The following CTNNBL1 variants were observed in gnomAD, a reference collection of about 807,000 sequenced individuals.
The protein encoded by CTNNBL1 is beta-catenin-like protein 1.
Under a neutral mutation model 72.7 loss-of-function variants are expected in CTNNBL1, and 31 were observed. The ratio of observed to expected loss-of-function variants is 0.43; its 90% confidence interval spans 0.32 to 0.58. The LOEUF (loss-of-function observed/expected upper bound fraction) is 0.58. Ranked by LOEUF, CTNNBL1 falls within the 20% of genes least tolerant of loss-of-function variation. CTNNBL1 has a pLI of 0.08. For synonymous variants in CTNNBL1, 240 were observed against 267.3 expected (o/e 0.90, Z 1.00); for missense variants, 534 against 725.1 (o/e 0.74, Z 3.03).
chr20:37,800,316 G>C (rs2073813155), intron 10 of CTNNBL1, among the ~76,000 whole-genome samples: 1 of 152,076 alleles, frequency 6.6e-6, no homozygotes, highest in African/African-American at 2.4e-5. Flanking sequence ...TCTTGACCCG[G>C]CTTCCCTCTC....
intron 1 of CTNNBL1, among the ~76,000 whole-genome samples, chr20:37,700,476 GTA>G (rs2072830953): frequency 6.6e-6 from 1 of 152,196 alleles, no homozygotes; most frequent in Non-Finnish European, 1.5e-5. Flanking sequence ...AAGCGCCTCA[GTA>G]TATGCCGTAT....
chr20:37,864,674 C>T (rs4811240), intron 15 of CTNNBL1, among the ~76,000 whole-genome samples: 114,145 of 152,130 alleles, frequency 0.75, 42,975 homozygotes, highest in East Asian at 0.85. Flanking sequence ...AGGACTGAGA[C>T]GGCCACAAAG....
chr20:37,791,733 C>T (rs918054064), intron 10 of CTNNBL1, among the ~76,000 whole-genome samples: 1 of 152,164 alleles, frequency 6.6e-6, no homozygotes, highest in Non-Finnish European at 1.5e-5. Flanking sequence ...GTGCAGATCC[C>T]ATTGTGAACT....
At chr20:37,793,467 CGCAT>C (rs2073744114) in intron 10 of CTNNBL1, among the ~76,000 whole-genome samples, 1 of 152,182 alleles carries the variant, frequency 6.6e-6, no homozygotes, top group South Asian at 2.1e-4. Flanking sequence ...TTAGTGCTAA[CGCAT>C]GGTATCTTTT....
chr20:37,773,306 A>G (rs553181712), intron 7 of CTNNBL1, among the ~76,000 whole-genome samples: 3 of 152,350 alleles, frequency 2.0e-5, no homozygotes, highest in East Asian at 3.9e-4. Flanking sequence ...GAGGTGAGCT[A>G]CAGATATAAC....
chr20:37,865,000 C>A (rs954069185), intron 15 of CTNNBL1, among the ~76,000 whole-genome samples: 2 of 152,072 alleles, frequency 1.3e-5, no homozygotes, highest in Non-Finnish European at 2.9e-5. Context: ...AGTGGGGGTA[C>A]CTGGGTCTCT....
intron 10 of CTNNBL1, among the ~76,000 whole-genome samples, chr20:37,786,072 T>A (rs1213418206): frequency 6.6e-6 from 1 of 152,206 alleles, no homozygotes; most frequent in Non-Finnish European, 1.5e-5. Flanking sequence ...AGGCAGAAAC[T>A]CTTGTTCTCT....
chr20:37,802,574 G>A (rs1377347224), intron 10 of CTNNBL1, among the ~76,000 whole-genome samples: 6 of 152,096 alleles, frequency 3.9e-5, no homozygotes, highest in East Asian at 3.9e-4. Flanking sequence ...TCAACACCCC[G>A]AAATAATCTC....
At chr20:37,793,737 T>TA (rs1373400115) in intron 10 of CTNNBL1, among the ~76,000 whole-genome samples, 1 of 152,242 alleles carries the variant, frequency 6.6e-6, no homozygotes, top group African/African-American at 2.4e-5. Flanking sequence ...TTAGCCCTGT[T>TA]ATACATTGTT....
chr20:37,734,466 T>G (rs1403295349), intron 2 of CTNNBL1, among the ~76,000 whole-genome samples: 1 of 152,168 alleles, frequency 6.6e-6, no homozygotes, highest in East Asian at 1.9e-4. Flanking sequence ...CAGGTATAAT[T>G]CCCATGTAGG....
chr20:37,754,626 A>T (rs758855185), intron 4 of CTNNBL1, among the ~76,000 whole-genome samples: 28 of 152,244 alleles, frequency 1.8e-4, no homozygotes, highest in Non-Finnish European at 3.7e-4. Flanking sequence ...GGTGGAATTA[A>T]ATGATAGTTC....
At chr20:37,847,555 T>C (rs2072356743) in intron 13 of CTNNBL1, among the ~76,000 whole-genome samples, 1 of 152,160 alleles carries the variant, frequency 6.6e-6, no homozygotes. Context: ...AATACTAAGA[T>C]GCCTGTTGTT....
intron 7 of CTNNBL1, among the ~76,000 whole-genome samples, chr20:37,771,820 A>G (rs2073526970): frequency 6.6e-6 from 1 of 152,168 alleles, no homozygotes; most frequent in African/African-American, 2.4e-5. Context: ...ATTGAGACCT[A>G]TCGATATTAA....
intron 7 of CTNNBL1, 196 bp from the exon 8 acceptor site, chr20:37,777,149 G>A (rs2073581185): frequency 1.9e-6 from 1 of 534,228 alleles, no homozygotes; most frequent in African/African-American, 1.9e-5. Context: ...GAGTGTGAGA[G>A]CCATTGTTTC....
At position 37,847,344 on chromosome 20, in the gene CTNNBL1, A is replaced by G. The variant is rs1301369030; in HGVS notation, c.1392+4925A>G. Among the ~76,000 whole-genome samples, 5 of 152,182 alleles carry G rather than the reference A, an allele frequency of 3.3e-5. No homozygotes were observed. In the East Asian group the frequency reaches 9.6e-4, roughly 29 times the overall value. ...GGCCTTCTGCTTTTATGTTGTATTC[A>G]AAGTCTGTGAGATTCCAGGGCCATA... is the stretch of plus-strand genomic sequence containing the variant. On this transcript the variant is annotated intron_variant, in intron 13 of 15. Coordinates refer to ENST00000361383, the MANE Select transcript of CTNNBL1 (RefSeq NM_030877.5).
At chr20:37,762,846 A>C (rs1271970185) in intron 5 of CTNNBL1, among the ~76,000 whole-genome samples, 1 of 152,200 alleles carries the variant, frequency 6.6e-6, no homozygotes, top group African/African-American at 2.4e-5. Context: ...CACAGTTTGC[A>C]AGCTTAAAAA....
In CTNNBL1 at chr20:37,773,278, C is replaced by A. The variant is rs2073541906; in HGVS notation, c.751-4067C>A. 2.6e-5 allele frequency among the ~76,000 whole-genome samples: 4 copies of A among 152,292 alleles called. No individual in the cohort carries two copies. The South Asian group carries it at 8.3e-4, about 32-fold the overall frequency. On this transcript the variant is annotated intron_variant, in intron 7 of 15. Transcript: ENST00000361383. ...GCTGTAGATATGTCTGAACCTGCCCCATGTGTTCCAGGTAGCAGAGGTGAG... is the reference window on the plus strand; with the variant it reads ...GCTGTAGATATGTCTGAACCTGCCCAATGTGTTCCAGGTAGCAGAGGTGAG...
At chr20:37,828,169 A>G (rs2072176756) in intron 11 of CTNNBL1, among the ~76,000 whole-genome samples, 2 of 152,212 alleles carry the variant, frequency 1.3e-5, no homozygotes, top group South Asian at 4.1e-4. Flanking sequence ...TAGACACTGA[A>G]GGTACAGATA....
chr20:37,774,522 CTTATA>C (rs2073557170), intron 7 of CTNNBL1, among the ~76,000 whole-genome samples: 1 of 152,164 alleles, frequency 6.6e-6, no homozygotes, highest in Admixed American at 6.5e-5. Context: ...TCAGTCAGAA[CTTATA>C]TTTTAATTTA....
Sources: allele counts gnomAD v4.1 joint callset (sites outside exome capture counted in the v4.1 genomes callset), GRCh38; gene constraint gnomAD v4.1.1; transcripts MANE v1.5; gene names NCBI Gene and HGNC (gene_info 2026-07-23, HGNC 2026-07-21).